KLHL31: variants seen among roughly 807,000 people sequenced by gnomAD.
KLHL31 encodes kelch like family member 31, also known as kelch-like protein 31.
KLHL31 carries 32 observed loss-of-function variants against 47.1 expected under a neutral mutation model. The ratio of observed to expected loss-of-function variants is 0.68; its 90% confidence interval spans 0.51 to 0.91. The LOEUF is 0.91. Ranked by LOEUF, KLHL31 falls within the 40% of genes least tolerant of loss-of-function variation. The probability of loss-of-function intolerance (pLI) is 0.00; values close to 1 mark genes in which losing one functional copy is unlikely to be tolerated. For synonymous variants in KLHL31, 330 were observed against 325.1 expected (o/e 1.01, Z -0.16); for missense variants, 797 against 819.3 (o/e 0.97, Z 0.33).
In KLHL31 at chr6:53,650,402, A is replaced by T. The variant is rs959454393; in HGVS notation, c.*1196T>A. On this transcript the variant is annotated 3_prime_UTR_variant, in exon 3 of 3. Transcript: ENST00000370905. ...TGGAGCAGATGAGATTAATAAAAAT[A>T]GGACAGAATGAGTATATATTTTTAT... The T allele has an allele frequency of 6.6e-6, 1 of 152,228 alleles. No individual in the cohort carries two copies. Among genetic ancestry groups the T allele is most frequent in the African/African-American group, 2.4e-5 (1 of 41,466 alleles). 9.4% of individuals were successfully genotyped at this position (152,228 alleles called of 1,614,324 possible).
intron 1 of KLHL31, among the ~76,000 whole-genome samples, chr6:53,658,174 C>G (rs1044695266): frequency 6.6e-6 from 1 of 152,042 alleles, no homozygotes; most frequent in Non-Finnish European, 1.5e-5. Context: ...ATTAGAGACA[C>G]AAGACATGGC....
intron 2 of KLHL31, among the ~76,000 whole-genome samples, chr6:53,652,559 C>G (rs139662341): frequency 0.015 from 2,277 of 152,296 alleles, 22 homozygotes; most frequent in Middle Eastern, 0.027. Flanking sequence ...TTATAAGCCT[C>G]TCCTCCGTTT....
chr6:53,658,275 G>A (rs377370149), intron 1 of KLHL31, among the ~76,000 whole-genome samples: 72 of 5,794 alleles, frequency 0.012, no homozygotes, highest in Admixed American at 0.035. Context: ...GAACTCCTGT[G>A]GCCATTTTTT....
At position 53,654,821 on chromosome 6, in the gene KLHL31, T is replaced by C; in HGVS notation, c.452A>G (p.Gln151Arg). ...GCACATCTTTACAAGAGTATGGATC[T>C]GAAGATAAACAGCAGCAGAAATAAT... ...GSIISAAVYLQIHTLVKMCSD... is the reference protein window; with the variant it reads ...GSIISAAVYLRIHTLVKMCSD... Residue 151 changes from glutamine (Q) to arginine (R), a missense_variant, in exon 2 of 3, where the codon CAG (glutamine) becomes CGG (arginine). Coordinates refer to ENST00000370905, the MANE Select transcript of KLHL31 (RefSeq NM_001003760.5). 2 of 1,614,120 alleles carry C rather than the reference T, an allele frequency of 1.2e-6. No individual in the cohort carries two copies. Among genetic ancestry groups the C allele is most frequent in the Non-Finnish European group, 1.7e-6 (2 of 1,180,004 alleles).
intron 1 of KLHL31, 94 bp from the exon 2 acceptor site, chr6:53,655,399 T>G: frequency 1.7e-6 from 1 of 584,042 alleles, no homozygotes; most frequent in East Asian, 2.9e-5. Flanking sequence ...GATAATAGTT[T>G]TCATGGCATA....
In KLHL31 at chr6:53,655,323, A is replaced by T; in HGVS notation, c.-33-18T>A. ...AGAGCTTGCTAAAAAGAGAAAAAAA[A>T]AAACATGGTTTTGTTTTAATTGTGC... On this transcript the variant is annotated intron_variant, in intron 1 of 2. Coordinates refer to ENST00000370905, the MANE Select transcript of KLHL31 (RefSeq NM_001003760.5). 1 of 1,288,112 alleles carries T rather than the reference A, an allele frequency of 7.8e-7. No individual in the cohort carries two copies. Among genetic ancestry groups the T allele is most frequent in the Non-Finnish European group, 1.0e-6 (1 of 953,224 alleles). 79.8% of individuals were successfully genotyped at this position (1,288,112 alleles called of 1,614,324 possible). A position where few individuals can be genotyped will look rare whatever the true frequency, so the allele number is the denominator to read the frequency against.
rs767973315 is a variant in KLHL31 at position 53,654,378 on chromosome 6, A to C, written c.895T>G (p.Tyr299Asp). The C allele has an allele frequency of 6.2e-7, 1 of 1,614,230 alleles. No homozygotes were observed. Among genetic ancestry groups the C allele is most frequent in the East Asian group, 2.2e-5 (1 of 44,886 alleles). ...CTAGATTGCAATGTGTTTTGATGAT[A>C]TGGAAGCAAGTGGTAGTTCATAGCA... ...VDAMNYHLLP[Y>D]HQNTLQSRRT... The change falls in exon 2 of 3, where the codon TAT becomes GAT. Residue 299 changes from tyrosine to aspartate, a missense_variant. Coordinates refer to ENST00000370905, the MANE Select transcript of KLHL31 (RefSeq NM_001003760.5).
intron 1 of KLHL31, among the ~76,000 whole-genome samples, chr6:53,656,006 A>G (rs1166356076): frequency 2.0e-5 from 3 of 152,156 alleles, no homozygotes; most frequent in Non-Finnish European, 4.4e-5. Flanking sequence ...CACTCTGAAG[A>G]TTTTCCTCAG....
At chr6:53,654,065 T>C in intron 2 of KLHL31, 36 bp downstream of exon 2, 1 of 1,515,766 alleles carries the variant, frequency 6.6e-7, no homozygotes, top group African/African-American at 1.4e-5. Flanking sequence ...CCCTATAATA[T>C]TGAGCCATTT....
chr6:53,661,949 G>T (rs1269916717), intron 1 of KLHL31, among the ~76,000 whole-genome samples: 4 of 152,288 alleles, frequency 2.6e-5, no homozygotes, highest in Non-Finnish European at 5.9e-5. Context: ...AAAGTTGGAT[G>T]AGGGTTTTAC....
Position 53,652,167 on chromosome 6 carries a change from A to G in KLHL31, c.1336T>C (p.Trp446Arg). The change falls in exon 3 of 3, where the codon TGG becomes CGG. Residue 446 changes from tryptophan (W) to arginine (R), a missense_variant. Transcript: ENST00000370905. ...LECYVPSTNQ[W>R]QPKTPLEVAR... is the part of the protein sequence containing the mutation. ...ACCTCCAGGGGCGTCTTCGGCTGCC[A>G]CTGATTGGTGGAGGGCACGTAGCAC... The G allele has an allele frequency of 6.2e-7, 1 of 1,608,132 alleles. No homozygotes were observed. Among genetic ancestry groups the G allele is most frequent in the Non-Finnish European group, 8.5e-7 (1 of 1,179,386 alleles).
In KLHL31 at chr6:53,650,956, A is replaced by G. The variant is rs1056957482; in HGVS notation, c.*642T>C. 1 of 152,190 alleles carries G rather than the reference A, an allele frequency of 6.6e-6. No homozygotes were observed. The highest frequency in any genetic ancestry group is 2.4e-5 in the African/African-American group (1 of 41,442). The allele number at this position is 152,190 out of a possible 1,614,324, so 9.4% of individuals were successfully genotyped here. ...AGGAATGTCCGCTAACACAAAGGTT[A>G]TCAAATTTAGGGTCCCTGGGTGGAA... On this transcript the variant is annotated 3_prime_UTR_variant, in exon 3 of 3. Transcript: ENST00000370905.
chr6:53,659,528 A>G (rs950333870), intron 1 of KLHL31, among the ~76,000 whole-genome samples: 7 of 152,206 alleles, frequency 4.6e-5, no homozygotes, highest in African/African-American at 1.7e-4. Flanking sequence ...GGTTTTGCAG[A>G]TAACATGAAT....
intron 1 of KLHL31, among the ~76,000 whole-genome samples, chr6:53,660,385 C>T (rs1764627891): frequency 3.9e-5 from 6 of 151,948 alleles, no homozygotes; most frequent in Admixed American, 3.3e-4. Flanking sequence ...TGTGCAAACA[C>T]TTATGTATTT....
intron 2 of KLHL31, 87 bp downstream of exon 2, chr6:53,654,013 GT>G: frequency 8.7e-7 from 1 of 1,150,982 alleles, no homozygotes; most frequent in South Asian, 1.5e-5. Flanking sequence ...AATGGACTAA[GT>G]TAATAAGCAA....
intron 2 of KLHL31, among the ~76,000 whole-genome samples, chr6:53,652,713 T>C (rs757210902): frequency 1.3e-5 from 2 of 152,126 alleles, no homozygotes; most frequent in Admixed American, 6.5e-5. Flanking sequence ...TTTGTGACGA[T>C]CAGAGGAGTG....
At chr6:53,653,220 G>A (rs955439854) in intron 2 of KLHL31, among the ~76,000 whole-genome samples, 1 of 152,128 alleles carries the variant, frequency 6.6e-6, no homozygotes, top group African/African-American at 2.4e-5. Flanking sequence ...TCAGTCTGAT[G>A]TTCATCTTTG....
At chr6:53,653,793 G>A (rs1764510297) in intron 2 of KLHL31, among the ~76,000 whole-genome samples, 1 of 152,166 alleles carries the variant, frequency 6.6e-6, no homozygotes, top group Non-Finnish European at 1.5e-5. Flanking sequence ...CTAGAAGTGA[G>A]TAAATGTGAA....
chr6:53,660,358 TTATAGA>T (rs1399343288), intron 1 of KLHL31, among the ~76,000 whole-genome samples: 1 of 152,212 alleles, frequency 6.6e-6, no homozygotes, highest in African/African-American at 2.4e-5. Context: ...TACTGAAAAC[TTATAGA>T]TAGATACACA....
Sources: allele counts gnomAD v4.1 joint callset (sites outside exome capture counted in the v4.1 genomes callset), GRCh38; gene constraint gnomAD v4.1.1; transcripts MANE v1.5; gene names NCBI Gene and HGNC (gene_info 2026-07-23, HGNC 2026-07-21).